The following SHISA9 variants were observed in gnomAD, a reference collection of about 807,000 sequenced individuals.
SHISA9 encodes the protein protein shisa-9.
Under a neutral mutation model 38.0 loss-of-function variants are expected in SHISA9, and 13 were observed. That is an observed-to-expected ratio of 0.34 (90% confidence interval 0.22 to 0.54). The LOEUF (loss-of-function observed/expected upper bound fraction) is 0.54. Among genes scored for constraint, SHISA9 ranks in the 20% least tolerant of loss-of-function variants. SHISA9 has a pLI of 0.91. For synonymous variants in SHISA9, 275 were observed against 242.0 expected, an observed-to-expected ratio of 1.14 and a Z score of -1.27; for missense variants, 538 against 575.8, an observed-to-expected ratio of 0.93 and a Z score of 0.67.
intron 1 of SHISA9, 199 bp downstream of exon 1, chr16:12,902,826 G>A: frequency 3.3e-6 from 2 of 609,006 alleles, no homozygotes; most frequent in Non-Finnish European, 5.7e-6. Context: ...GTGTGGGTCT[G>A]AGCGTGTTCG....
At chr16:13,303,829 G>T in the SHISA9 span, among the ~76,000 whole-genome samples, 1 of 152,128 alleles carries the variant, frequency 6.6e-6, no homozygotes, top group Non-Finnish European at 1.5e-5. Context: ...ACGTAGTGCA[G>T]GTAGAACCCC....
chr16:13,252,739 G>A, the SHISA9 span, among the ~76,000 whole-genome samples: 15 of 152,036 alleles, frequency 9.9e-5, no homozygotes, highest in Non-Finnish European at 2.1e-4. Flanking sequence ...CTTCTCACTG[G>A]GATGGAAGCT....
chr16:13,019,924 TTTCTTTCTTTC>T lies in SHISA9; in HGVS notation c.691+103112_691+103122del, dbSNP rs1567184159. ...CTTTCTTTCTTTCTTTCTTTCTTTCTTTCTTTCTTTCTTTCTTTCTTTCTTTCTTTCTTTCC... is the reference window on the plus strand; with the variant it reads ...CTTTCTTTCTTTCTTTCTTTCTTTCTTTTCTTTCTTTCTTTCTTTCTTTCC... On this transcript the variant is annotated intron_variant, in intron 2 of 4. Transcript: ENST00000558583. 5.0e-4 allele frequency among the ~76,000 whole-genome samples: 46 copies of T among 91,900 alleles called. 2 individuals carry two copies. The highest frequency in any genetic ancestry group is 2.6e-3 in the East Asian group (10 of 3,888). 60.3% of individuals were successfully genotyped at this position (91,900 alleles called of 152,430 possible). A position where few individuals can be genotyped will look rare whatever the true frequency, so the allele number is the denominator to read the frequency against.
chr16:12,949,844 C>T (rs978976148), intron 2 of SHISA9, among the ~76,000 whole-genome samples: 1 of 152,116 alleles, frequency 6.6e-6, no homozygotes, highest in African/African-American at 2.4e-5. Context: ...TCACCTCAAA[C>T]ATTTATTATT....
At chr16:12,920,602 CAT>C (rs2071315493) in intron 2 of SHISA9, among the ~76,000 whole-genome samples, 1 of 152,146 alleles carries the variant, frequency 6.6e-6, no homozygotes, top group Admixed American at 6.5e-5. Flanking sequence ...GGAAACATCT[CAT>C]GTACCCTACA....
chr16:13,325,536 T>C, the SHISA9 span, among the ~76,000 whole-genome samples: 1 of 152,178 alleles, frequency 6.6e-6, no homozygotes, highest in Non-Finnish European at 1.5e-5. Flanking sequence ...AGAGCATGTA[T>C]TTATACATAC....
intron 2 of SHISA9, among the ~76,000 whole-genome samples, chr16:13,104,933 C>A (rs2073912117): frequency 6.6e-6 from 1 of 152,106 alleles, no homozygotes; most frequent in South Asian, 2.1e-4. Flanking sequence ...TCCTCTATTG[C>A]TTACTAACTG....
At chr16:13,472,089 G>A in the SHISA9 span, among the ~76,000 whole-genome samples, 1 of 152,166 alleles carries the variant, frequency 6.6e-6, no homozygotes, top group Non-Finnish European at 1.5e-5. Context: ...AGAGCTTAGT[G>A]CTGTGTTTTC....
intron 2 of SHISA9, among the ~76,000 whole-genome samples, chr16:13,015,516 G>C (rs2072730826): frequency 6.6e-6 from 1 of 152,158 alleles, no homozygotes; most frequent in Admixed American, 6.5e-5. Context: ...TCCACTCTAT[G>C]CTCCCCAACA....
At chr16:13,355,274 G>A in the SHISA9 span, among the ~76,000 whole-genome samples, 16 of 151,894 alleles carry the variant, frequency 1.1e-4, no homozygotes, top group South Asian at 2.7e-3. Flanking sequence ...GTAATAACAG[G>A]CTTTAATCTT....
chr16:13,216,474 A>G (rs2051170350), intron 4 of SHISA9, among the ~76,000 whole-genome samples: 1 of 152,214 alleles, frequency 6.6e-6, no homozygotes. Context: ...CAGATGAGCA[A>G]ATTAAAGGCT....
At chr16:12,930,861 C>A (rs1328024755) in intron 2 of SHISA9, among the ~76,000 whole-genome samples, 1 of 152,016 alleles carries the variant, frequency 6.6e-6, no homozygotes, top group South Asian at 2.1e-4. Flanking sequence ...GGAAAAAAAC[C>A]CATAACAACT....
chr16:12,918,669 A>G (rs2071289230), intron 2 of SHISA9, among the ~76,000 whole-genome samples: 1 of 152,168 alleles, frequency 6.6e-6, no homozygotes, highest in Non-Finnish European at 1.5e-5. Flanking sequence ...CGTTTGGTCT[A>G]TATTTGTGCC....
At chr16:13,193,083 C>A (rs2050902432) in intron 2 of SHISA9, among the ~76,000 whole-genome samples, 1 of 152,158 alleles carries the variant, frequency 6.6e-6, no homozygotes, top group African/African-American at 2.4e-5. Context: ...AGTTTCTGTC[C>A]ACAGAGGTGG....
chr16:13,173,095 C>G (rs1415426209), intron 2 of SHISA9, among the ~76,000 whole-genome samples: 2 of 151,968 alleles, frequency 1.3e-5, no homozygotes, highest in African/African-American at 2.4e-5. Context: ...ACATTTTCTT[C>G]TCTGTATGAA....
At chr16:13,460,268 T>C in the SHISA9 span, among the ~76,000 whole-genome samples, 1 of 152,156 alleles carries the variant, frequency 6.6e-6, no homozygotes, top group Non-Finnish European at 1.5e-5. Flanking sequence ...AAAATGAGGC[T>C]GCTCCATGAA....
intron 2 of SHISA9, among the ~76,000 whole-genome samples, chr16:13,111,256 C>A (rs1479175972): frequency 3.3e-5 from 5 of 150,808 alleles, no homozygotes; most frequent in Admixed American, 2.6e-4. Flanking sequence ...AGTGAACAGG[C>A]AACTTACAGA....
At chr16:13,344,388 C>A in the SHISA9 span, among the ~76,000 whole-genome samples, 1 of 152,128 alleles carries the variant, frequency 6.6e-6, no homozygotes, top group Non-Finnish European at 1.5e-5. Context: ...AGGAATGGTT[C>A]CAAGTGCTGC....
At chr16:13,168,227 CCAGGG>C (rs1360593391) in intron 2 of SHISA9, among the ~76,000 whole-genome samples, 1 of 152,204 alleles carries the variant, frequency 6.6e-6, no homozygotes. Flanking sequence ...CCTAATCACC[CCAGGG>C]CCAGTGATTA....
Sources: gnomAD v4.1 joint callset for allele counts (sites outside exome capture counted in the v4.1 genomes callset) on GRCh38, gnomAD v4.1.1 for gene constraint, MANE v1.5 for transcripts, NCBI Gene and HGNC (gene_info 2026-07-23, HGNC 2026-07-21) for gene names.